MARCHF1: variants seen among roughly 807,000 people sequenced by gnomAD.
The protein encoded by MARCHF1 is E3 ubiquitin-protein ligase MARCHF1.
In MARCHF1, 40 loss-of-function variants were observed where a neutral mutation model predicts 54.2. That is an observed-to-expected ratio of 0.74 (90% CI 0.57 to 0.96). MARCHF1 has a LOEUF of 0.96. Ranked by LOEUF, MARCHF1 falls within the 40% of genes least tolerant of loss-of-function variation. The pLI is 0.00. For missense variants in MARCHF1, 586 were observed against 656.5 expected (o/e 0.89, Z 1.17); for synonymous variants, 236 against 236.3 (o/e 1.00, Z 0.01).
At chr4:163,753,510 AT>A (rs1042487156) in intron 4 of MARCHF1, among the ~76,000 whole-genome samples, 9 of 152,092 alleles carry the variant, frequency 5.9e-5, no homozygotes, top group Admixed American at 1.3e-4. Flanking sequence ...GAGAGAAGAT[AT>A]TGTCATAAAT....
At chr4:164,046,869 T>G (rs1470675064) in intron 2 of MARCHF1, among the ~76,000 whole-genome samples, 4 of 152,100 alleles carry the variant, frequency 2.6e-5, no homozygotes, top group Non-Finnish European at 4.4e-5. Flanking sequence ...CAAATCTGTT[T>G]AAGAGAAAGG....
chr4:164,234,573 C>T (rs913576512), intron 1 of MARCHF1, among the ~76,000 whole-genome samples: 11 of 151,948 alleles, frequency 7.2e-5, no homozygotes, highest in African/African-American at 2.7e-4. Flanking sequence ...TAATGCATTT[C>T]TAAAGGAAAC....
At chr4:163,661,351 T>C (rs1743337193) in intron 5 of MARCHF1, among the ~76,000 whole-genome samples, 1 of 152,012 alleles carries the variant, frequency 6.6e-6, no homozygotes, top group South Asian at 2.1e-4. Flanking sequence ...TTCATAGTAC[T>C]TTCCTCTGGA....
chr4:163,929,030 C>T lies in MARCHF1; in HGVS notation c.-39+59471G>A, dbSNP rs11932303. On this transcript the variant is annotated intron_variant, in intron 3 of 9. Coordinates refer to ENST00000514618, the MANE Select transcript of MARCHF1 (RefSeq NM_001394959.1). ...AAATAACATATTGTTTATACCAAAA[C>T]ATATTTGAGATTTAAAATAGGCACA... Among the ~76,000 whole-genome samples the T allele has an allele frequency of 4.6e-3, 700 of 152,002 alleles. 3 individuals are homozygous for T. Among genetic ancestry groups the T allele is most frequent in the African/African-American group, 0.016 (674 of 41,530 alleles).
intron 3 of MARCHF1, among the ~76,000 whole-genome samples, chr4:163,899,717 T>A (rs939159343): frequency 4.6e-5 from 7 of 151,392 alleles, no homozygotes; most frequent in South Asian, 4.2e-4. Context: ...GTCTAATGAA[T>A]AGCCCAAACA....
chr4:164,276,084 A>G (rs1281490754), intron 1 of MARCHF1, among the ~76,000 whole-genome samples: 1 of 152,120 alleles, frequency 6.6e-6, no homozygotes, highest in East Asian at 1.9e-4. Context: ...ATTTTTGAAA[A>G]CTTTTGAAAA....
intron 1 of MARCHF1, among the ~76,000 whole-genome samples, chr4:164,134,794 C>A (rs993783405): frequency 1.3e-5 from 2 of 148,582 alleles, no homozygotes; most frequent in African/African-American, 2.5e-5. Flanking sequence ...TAAAAAAATA[C>A]GAGATTCAAA....
chr4:163,618,665 T>C (rs529873976), intron 5 of MARCHF1, among the ~76,000 whole-genome samples: 1 of 152,286 alleles, frequency 6.6e-6, no homozygotes, highest in South Asian at 2.1e-4. Context: ...GGAACCCAGT[T>C]AAAATAAAAT....
intron 5 of MARCHF1, among the ~76,000 whole-genome samples, chr4:163,679,747 G>A (rs1744036707): frequency 6.6e-6 from 1 of 151,860 alleles, no homozygotes; most frequent in Non-Finnish European, 1.5e-5. Context: ...CGAGTAGCTG[G>A]GACTACGGGC....
intron 1 of MARCHF1, among the ~76,000 whole-genome samples, chr4:164,283,687 A>G (rs1734079604): frequency 6.6e-6 from 1 of 150,944 alleles, no homozygotes; most frequent in Non-Finnish European, 1.5e-5. Context: ...AAGAGATTGT[A>G]TACAATAAGA....
intron 2 of MARCHF1, among the ~76,000 whole-genome samples, chr4:164,031,414 T>C (rs575572359): frequency 1.5e-5 from 2 of 129,968 alleles, no homozygotes; most frequent in Non-Finnish European, 3.4e-5. Context: ...GTGGGGTATC[T>C]ATTATATTAT....
chr4:163,991,148 TTAGAG>T (rs1468054774), intron 2 of MARCHF1, among the ~76,000 whole-genome samples: 2 of 152,196 alleles, frequency 1.3e-5, no homozygotes, highest in African/African-American at 2.4e-5. Flanking sequence ...AATTTATTTC[TTAGAG>T]TATTTTACAT....
chr4:164,187,614 G>A (rs1263374561), intron 1 of MARCHF1, among the ~76,000 whole-genome samples: 1 of 152,150 alleles, frequency 6.6e-6, no homozygotes, highest in Non-Finnish European at 1.5e-5. Flanking sequence ...TGAATCTATG[G>A]AAGCCTGGCA....
At chr4:163,808,969 T>C (rs1748306255) in intron 4 of MARCHF1, among the ~76,000 whole-genome samples, 2 of 152,128 alleles carry the variant, frequency 1.3e-5, no homozygotes, top group South Asian at 4.2e-4. Context: ...TCATACAGAG[T>C]TGGGGTTTCA....
chr4:164,308,201 T>C (rs947238551), intron 1 of MARCHF1, among the ~76,000 whole-genome samples: 1 of 152,218 alleles, frequency 6.6e-6, no homozygotes, highest in Non-Finnish European at 1.5e-5. Flanking sequence ...AAAATCACAA[T>C]ATTTATGATT....
At chr4:163,708,781 A>C (rs1745022638) in intron 4 of MARCHF1, among the ~76,000 whole-genome samples, 3 of 152,098 alleles carry the variant, frequency 2.0e-5, no homozygotes, top group Admixed American at 1.3e-4. Context: ...CAGTGGGAGG[A>C]AGGAAGAGAG....
intron 1 of MARCHF1, among the ~76,000 whole-genome samples, chr4:164,141,983 G>C (rs907301105): frequency 3.0e-5 from 4 of 135,396 alleles, no homozygotes; most frequent in Non-Finnish European, 6.1e-5. Context: ...GCGAGCCAAA[G>C]TAGGGCGAGG....
intron 4 of MARCHF1, among the ~76,000 whole-genome samples, chr4:163,772,313 C>A (rs1229319970): frequency 1.3e-5 from 2 of 152,116 alleles, no homozygotes; most frequent in East Asian, 3.9e-4. Context: ...AAGAATGAAC[C>A]CAGGGTATAT....
intron 1 of MARCHF1, among the ~76,000 whole-genome samples, chr4:164,362,426 C>T (rs1730748057): frequency 6.6e-6 from 1 of 151,950 alleles, no homozygotes; most frequent in African/African-American, 2.4e-5. Context: ...CCAGGGGGTA[C>T]ATGATTATGT....
Sources: gnomAD v4.1 joint callset for allele counts (sites outside exome capture counted in the v4.1 genomes callset) on GRCh38, gnomAD v4.1.1 for gene constraint, MANE v1.5 for transcripts, NCBI Gene and HGNC (gene_info 2026-07-23, HGNC 2026-07-21) for gene names.